The following CAMTA1 variants were observed in gnomAD, a reference collection of about 807,000 sequenced individuals.
CAMTA1 encodes calmodulin binding transcription activator 1, also known as calmodulin-binding transcription activator 1.
In CAMTA1, 27 loss-of-function variants were observed where a neutral mutation model predicts 170.9. The observed-to-expected ratio is 0.16, with a 90% CI of 0.12 to 0.22. CAMTA1 has a LOEUF of 0.22. CAMTA1 is among the 10% of genes least tolerant of loss of function. The probability of loss-of-function intolerance (pLI) is 1.00; values close to 1 mark genes in which losing one functional copy is unlikely to be tolerated. For missense variants in CAMTA1, 1,619 were observed against 2,217.2 expected, an observed-to-expected ratio of 0.73 and a Z score of 5.42; for synonymous variants, 833 against 891.5, an observed-to-expected ratio of 0.93 and a Z score of 1.17.
intron 6 of CAMTA1, among the ~76,000 whole-genome samples, chr1:7,631,934 G>A (rs998619046): frequency 6.6e-6 from 1 of 152,218 alleles, no homozygotes; most frequent in African/African-American, 2.4e-5. Context: ...GCTACCTGGG[G>A]CAGCCAGAAG....
chr1:6,927,996 C>T (rs1415806390), intron 3 of CAMTA1, among the ~76,000 whole-genome samples: 1 of 152,102 alleles, frequency 6.6e-6, no homozygotes, highest in African/African-American at 2.4e-5. Flanking sequence ...TCCCTCCTCC[C>T]ACAATCTCTC....
At chr1:6,819,790 A>G (rs1646276570) in intron 1 of CAMTA1, among the ~76,000 whole-genome samples, 4 of 152,234 alleles carry the variant, frequency 2.6e-5, no homozygotes, top group Admixed American at 2.0e-4. Flanking sequence ...AAACAAGAAC[A>G]TTCTCCTCCA....
intron 6 of CAMTA1, among the ~76,000 whole-genome samples, chr1:7,540,395 TCTCCATGAGCTCCTGG>T: frequency 6.6e-6 from 1 of 151,994 alleles, no homozygotes; most frequent in Admixed American, 6.6e-5. Flanking sequence ...ACCTGGAGTC[TCTCCATGAGCTCCTGG>T]CTGAGTTTCT....
At chr1:7,030,396 A>G (rs1702622106) in intron 3 of CAMTA1, among the ~76,000 whole-genome samples, 1 of 152,328 alleles carries the variant, frequency 6.6e-6, no homozygotes, top group East Asian at 1.9e-4. Flanking sequence ...TTTATTATAC[A>G]ATAACCCCCA....
At position 7,562,226 on chromosome 1, in the gene CAMTA1, C is replaced by A. The variant is rs74847870; in HGVS notation, c.511-78174C>A. 2.4e-3 allele frequency among the ~76,000 whole-genome samples: 367 copies of A among 152,316 alleles called. 2 individuals are homozygous for A. Among genetic ancestry groups the A allele is most frequent in the African/African-American group, 8.2e-3 (339 of 41,562 alleles). ...CCCAAATCTGCTATTGTAAGCACTA[C>A]ACAAAACTTTAAAGAATGTGTGTTA... On this transcript the variant is annotated intron_variant, in intron 6 of 22. Coordinates refer to ENST00000303635, the MANE Select transcript of CAMTA1 (RefSeq NM_015215.4). This position sits in a 1 kb window ranked among gnomAD's most constrained non-coding sequence, Gnocchi z 4.8.
intron 6 of CAMTA1, among the ~76,000 whole-genome samples, chr1:7,481,729 A>G (rs1378586801): frequency 6.6e-6 from 1 of 152,074 alleles, no homozygotes; most frequent in Admixed American, 6.5e-5. Flanking sequence ...AGTAAGCAAC[A>G]GCCACAGCAC....
Position 7,234,975 on chromosome 1 carries a change from T to C in CAMTA1, c.303-14516T>C, listed in dbSNP as rs1663546090. 6.6e-6 allele frequency among the ~76,000 whole-genome samples: 1 copy of C among 151,934 alleles called. No individual in the cohort carries two copies. Among genetic ancestry groups the C allele is most frequent in the Admixed American group, 6.6e-5 (1 of 15,242 alleles). Reference sequence around the variant, plus strand: ...CTAATTTTTGTATTTTTAGTAGAGATGGGGTTTCACCATGTCGGTCAGGCT... The same window carrying C: ...CTAATTTTTGTATTTTTAGTAGAGACGGGGTTTCACCATGTCGGTCAGGCT... On this transcript the variant is annotated intron_variant, in intron 4 of 22. Transcript: ENST00000303635. The surrounding 1 kb of genome is among the most constrained non-coding windows in gnomAD (Gnocchi z 5.0).
At chr1:7,270,287 ATATATTT>A (rs1172984860) in intron 5 of CAMTA1, among the ~76,000 whole-genome samples, 1 of 111,552 alleles carries the variant, frequency 9.0e-6, no homozygotes, top group Non-Finnish European at 1.8e-5. Context: ...ATATATATAT[ATATATTT>A]TTTTTTTTTT....
At chr1:7,625,647 G>A (rs575175701) in intron 6 of CAMTA1, among the ~76,000 whole-genome samples, 87 of 152,378 alleles carry the variant, frequency 5.7e-4, no homozygotes, top group Non-Finnish European at 4.6e-4. Context: ...TCTGCCATTC[G>A]CAATGGGCTG....
At chr1:7,021,550 T>C (rs565441026) in intron 3 of CAMTA1, among the ~76,000 whole-genome samples, 2 of 152,202 alleles carry the variant, frequency 1.3e-5, no homozygotes, top group African/African-American at 4.8e-5. Flanking sequence ...ATTCGATTTT[T>C]AAATTATAAT....
At chr1:7,346,950 T>C (rs1156734165) in intron 5 of CAMTA1, among the ~76,000 whole-genome samples, 1 of 152,208 alleles carries the variant, frequency 6.6e-6, no homozygotes, top group African/African-American at 2.4e-5. Flanking sequence ...GCAAAGTGCA[T>C]CTGGCAGCCA....
intron 3 of CAMTA1, among the ~76,000 whole-genome samples, chr1:6,895,819 C>T (rs1440979650): frequency 6.6e-6 from 1 of 152,042 alleles, no homozygotes; most frequent in Non-Finnish European, 1.5e-5. Context: ...TGATAGTCCC[C>T]TGTCACTCTG....
At chr1:7,316,732 C>T (rs965385807) in intron 5 of CAMTA1, among the ~76,000 whole-genome samples, 3 of 152,106 alleles carry the variant, frequency 2.0e-5, no homozygotes, top group South Asian at 2.1e-4. Context: ...CAGACACACA[C>T]GAACAGCCTG....
chr1:6,962,871 G>A (rs908108517), intron 3 of CAMTA1, among the ~76,000 whole-genome samples: 5 of 122,728 alleles, frequency 4.1e-5, no homozygotes, highest in Non-Finnish European at 8.3e-5. Flanking sequence ...CTTGCCCTGT[G>A]ACTGGCCCCA....
intron 6 of CAMTA1, among the ~76,000 whole-genome samples, chr1:7,476,396 G>A (rs2093420357): frequency 1.3e-5 from 2 of 152,194 alleles, no homozygotes. Context: ...TGGGCGGGGC[G>A]GTCAGGGGAG....
Position 7,641,723 on chromosome 1 carries a change from C to T in CAMTA1, c.664+1170C>T, listed in dbSNP as rs1038210823. ...CACAAGACTGAGCTTCCTCACGTGTCGTCCTTTGAGCCAAGTACCCCGTGG... is the reference window on the plus strand; with the variant it reads ...CACAAGACTGAGCTTCCTCACGTGTTGTCCTTTGAGCCAAGTACCCCGTGG... On this transcript the variant is annotated intron_variant, in intron 7 of 22. Coordinates refer to ENST00000303635, the MANE Select transcript of CAMTA1 (RefSeq NM_015215.4). This position sits in a 1 kb window ranked among gnomAD's most constrained non-coding sequence, Gnocchi z 4.5. Among the ~76,000 whole-genome samples the T allele has an allele frequency of 5.3e-5, 8 of 152,110 alleles. 1 individual carries two copies. The highest frequency in any genetic ancestry group is 9.7e-5 in the African/African-American group (4 of 41,426).
chr1:7,475,664 C>A (rs922351369), intron 6 of CAMTA1, among the ~76,000 whole-genome samples: 1 of 152,244 alleles, frequency 6.6e-6, no homozygotes, highest in Non-Finnish European at 1.5e-5. Context: ...CAGCCCTGGC[C>A]GTGCGTGACG....
intron 6 of CAMTA1, among the ~76,000 whole-genome samples, chr1:7,502,096 G>A (rs2094015188): frequency 1.3e-5 from 2 of 152,250 alleles, no homozygotes; most frequent in African/African-American, 4.8e-5. Flanking sequence ...CACATGTGGT[G>A]CAGCGGTGAG....
chr1:6,992,453 C>T (rs532312572), intron 3 of CAMTA1, among the ~76,000 whole-genome samples: 4 of 152,308 alleles, frequency 2.6e-5, no homozygotes, highest in South Asian at 2.1e-4. Flanking sequence ...TGAAGATATT[C>T]TCCTATGTTT....
Sources: gnomAD v4.1 joint callset for allele counts (sites outside exome capture counted in the v4.1 genomes callset) on GRCh38, gnomAD v4.1.1 for gene constraint, Gnocchi (gnomAD v3.1) non-coding constraint, MANE v1.5 for transcripts, NCBI Gene and HGNC (gene_info 2026-07-23, HGNC 2026-07-21) for gene names.